LRBA: variants seen among roughly 807,000 people sequenced by gnomAD.
LRBA encodes the protein LPS responsive beige-like anchor protein.
In LRBA, 176 loss-of-function variants were observed where a neutral mutation model predicts 330.0. The observed-to-expected ratio is 0.53, with a 90% CI of 0.47 to 0.60. LRBA has a LOEUF of 0.60. Ranked by LOEUF, LRBA falls within the 20% of genes least tolerant of loss-of-function variation. The probability of loss-of-function intolerance (pLI) is 0.00; values close to 1 mark genes in which losing one functional copy is unlikely to be tolerated. For missense variants in LRBA, 3,259 were observed against 3,444.8 expected, an observed-to-expected ratio of 0.95 and a Z score of 1.35; for synonymous variants, 1,230 against 1,193.0, an observed-to-expected ratio of 1.03 and a Z score of -0.64.
At chr4:150,961,928 A>G (rs1738192256) in intron 2 of LRBA, among the ~76,000 whole-genome samples, 1 of 149,254 alleles carries the variant, frequency 6.7e-6, no homozygotes. Flanking sequence ...GATAGGTACA[A>G]TTATTGTATT....
chr4:150,920,783 C>T (rs539695053), intron 5 of LRBA, among the ~76,000 whole-genome samples: 2 of 151,904 alleles, frequency 1.3e-5, no homozygotes, highest in East Asian at 1.9e-4. Context: ...GGAAAACTTG[C>T]GTAGTAAGTT....
At chr4:150,592,826 T>A (rs951342952) in intron 38 of LRBA, among the ~76,000 whole-genome samples, 3 of 151,906 alleles carry the variant, frequency 2.0e-5, no homozygotes, top group African/African-American at 4.8e-5. Flanking sequence ...AGAGATGAGG[T>A]CTTCCCATGT....
At chr4:150,979,510 T>G (rs547469697) in intron 2 of LRBA, among the ~76,000 whole-genome samples, 1 of 152,158 alleles carries the variant, frequency 6.6e-6, no homozygotes, top group South Asian at 2.1e-4. Context: ...ACACCATAAC[T>G]TGGGCATATA....
intron 28 of LRBA, among the ~76,000 whole-genome samples, chr4:150,840,045 T>C (rs1748825928): frequency 6.6e-6 from 1 of 152,222 alleles, no homozygotes; most frequent in African/African-American, 2.4e-5. Flanking sequence ...CAACCTCTGG[T>C]AGCTTCACTT....
chr4:150,947,682 T>C (rs1736389073), intron 2 of LRBA, among the ~76,000 whole-genome samples: 2 of 152,002 alleles, frequency 1.3e-5, no homozygotes, highest in South Asian at 4.1e-4. Context: ...GTTCCAGCCA[T>C]GGCAATTCAG....
At chr4:151,010,927 C>A (rs1028352283) in intron 2 of LRBA, among the ~76,000 whole-genome samples, 9 of 150,834 alleles carry the variant, frequency 6.0e-5, no homozygotes, top group African/African-American at 2.2e-4. Flanking sequence ...GTGGTTCACG[C>A]CTGTAATCCC....
At chr4:150,633,112 T>C (rs1460996699) in intron 37 of LRBA, among the ~76,000 whole-genome samples, 1 of 152,214 alleles carries the variant, frequency 6.6e-6, no homozygotes, top group Non-Finnish European at 1.5e-5. Flanking sequence ...GTTAAGAACA[T>C]GAAATCAAAC....
At chr4:150,499,063 GA>G (rs1245409014) in intron 40 of LRBA, among the ~76,000 whole-genome samples, 3 of 152,202 alleles carry the variant, frequency 2.0e-5, no homozygotes, top group South Asian at 2.1e-4. Flanking sequence ...AAAAGGCTAA[GA>G]AAGCCATTTA....
chr4:150,580,572 G>T (rs1227033786), intron 40 of LRBA: 1 of 152,178 alleles, frequency 6.6e-6, no homozygotes, highest in Non-Finnish European at 1.5e-5. Flanking sequence ...TGGACGCATA[G>T]ATTTTTATTT....
At position 150,265,224 on chromosome 4, in the gene LRBA, C is replaced by T. The variant is rs549619653; in HGVS notation, c.*498G>A. The T allele has an allele frequency of 2.6e-5, 4 of 155,648 alleles. No homozygotes were observed. Among genetic ancestry groups the T allele is most frequent in the African/African-American group, 9.6e-5 (4 of 41,572 alleles). The allele number at this position is 155,648 out of a possible 1,614,324, so 9.6% of individuals were successfully genotyped here. ...GACTTAATTGAGATGTTTTAAATTA[C>T]ATTTACCATAATTTAAACATTACTA... On this transcript the variant is annotated 3_prime_UTR_variant, in exon 57 of 57. Transcript: ENST00000651943.
intron 37 of LRBA, among the ~76,000 whole-genome samples, chr4:150,658,248 G>GAGT (rs1780412662): frequency 6.6e-6 from 1 of 151,452 alleles, no homozygotes; most frequent in Non-Finnish European, 1.5e-5. Context: ...TATTCTGGAA[G>GAGT]AGTAATACTT....
chr4:150,723,837 A>C (rs1011162305), intron 36 of LRBA, among the ~76,000 whole-genome samples: 1 of 152,144 alleles, frequency 6.6e-6, no homozygotes, highest in African/African-American at 2.4e-5. Flanking sequence ...CACTGACCTA[A>C]AGAGCGAGTC....
intron 37 of LRBA, among the ~76,000 whole-genome samples, chr4:150,617,971 G>A (rs1775933663): frequency 6.6e-6 from 1 of 152,072 alleles, no homozygotes; most frequent in Non-Finnish European, 1.5e-5. Context: ...GAGTGAGATG[G>A]TGCGAGCCTG....
At position 150,703,334 on chromosome 4, in the gene LRBA, A is replaced by G. The variant is rs113935777; in HGVS notation, c.5755-19617T>C. Among the ~76,000 whole-genome samples, 275 of 152,312 alleles carry G rather than the reference A, an allele frequency of 1.8e-3. 1 individual carries two copies. Among genetic ancestry groups the G allele is most frequent in the Middle Eastern group, 3.4e-3 (1 of 294 alleles). On this transcript the variant is annotated intron_variant, in intron 36 of 56. Transcript: ENST00000651943. The stretch of plus-strand genomic sequence containing the variant: ...TGAAACATTATCTTAATATTAAAGA[A>G]TCTAGGATCTCAAATGAAAAAACTG...
At chr4:150,946,584 A>AAT (rs1446176713) in intron 2 of LRBA, among the ~76,000 whole-genome samples, 1 of 150,554 alleles carries the variant, frequency 6.6e-6, no homozygotes. Context: ...TCAAAATAAA[A>AAT]ATATAATATA....
rs542870693 is a variant in LRBA, at chr4:150,994,939, G to A, written c.216+19488C>T. 3.3e-5 allele frequency among the ~76,000 whole-genome samples: 5 copies of A among 152,318 alleles called. No individual in the cohort carries two copies. The South Asian group carries it at 1.0e-3, about 32-fold the overall frequency. On this transcript the variant is annotated intron_variant, in intron 2 of 56. Coordinates refer to ENST00000651943, the MANE Select transcript of LRBA (RefSeq NM_001364905.1). The stretch of plus-strand genomic sequence containing the variant: ...GGGAGCATCCATCAATTCCCCAGTG[G>A]CTTAGAAGTCAGTTTAAGGGACTGG...
In LRBA at chr4:150,934,540, C is replaced by G. The variant is rs971256302; in HGVS notation, c.217-5475G>C. ...TAGCCTACCCGTATTTGCAGGAACA[C>G]TGTGTCTTATATCCTACAGAAATCT... On this transcript the variant is annotated intron_variant, in intron 2 of 56. Transcript: ENST00000651943. 2.0e-5 allele frequency among the ~76,000 whole-genome samples: 3 copies of G among 152,176 alleles called. No individual in the cohort carries two copies. The South Asian group carries it at 6.2e-4, about 32-fold the overall frequency.
intron 37 of LRBA, among the ~76,000 whole-genome samples, chr4:150,652,041 G>A (rs574464234): frequency 2.6e-4 from 40 of 152,196 alleles, no homozygotes; most frequent in Non-Finnish European, 5.9e-4. Flanking sequence ...ATGGGGTTTT[G>A]CCATGTTGCC....
Position 150,943,808 on chromosome 4 carries a change from C to T in LRBA, c.217-14743G>A, listed in dbSNP as rs1735933716. On this transcript the variant is annotated intron_variant, in intron 2 of 56. Transcript: ENST00000651943. ...ACCAGTCAGTCCAAAAGTCAAGCAA[C>T]ATAGATATCCTCCCACATTTGGCTG... Among the ~76,000 whole-genome samples the T allele has an allele frequency of 2.0e-5, 3 of 152,306 alleles. No individual in the cohort carries two copies. In the South Asian group the frequency reaches 6.2e-4, roughly 32 times the overall value.
Sources: gnomAD v4.1 joint callset for allele counts (sites outside exome capture counted in the v4.1 genomes callset) on GRCh38, gnomAD v4.1.1 for gene constraint, MANE v1.5 for transcripts, NCBI Gene and HGNC (gene_info 2026-07-23, HGNC 2026-07-21) for gene names.